Variants in TBCK observed in about 807,000 individuals in gnomAD.
TBCK encodes TBC1 domain containing kinase, also known as TBC domain-containing protein kinase-like protein.
A neutral mutation model predicts 113.4 loss-of-function variants in TBCK; 99 were observed. That is an observed-to-expected ratio of 0.87 (90% CI 0.74 to 1.03). The LOEUF (loss-of-function observed/expected upper bound fraction) is 1.03. Ranked by LOEUF, TBCK falls within the 50% of genes least tolerant of loss-of-function variation. The pLI is 0.00. For synonymous variants in TBCK, 369 were observed against 370.8 expected (o/e 1.00, Z 0.05); for missense variants, 1,045 against 1,061.3 (o/e 0.98, Z 0.21).
intron 17 of TBCK, among the ~76,000 whole-genome samples, chr4:106,232,244 G>A (rs565329056): frequency 4.3e-4 from 66 of 151,794 alleles, no homozygotes; most frequent in African/African-American, 1.4e-3. Flanking sequence ...TGATAATAAT[G>A]ATATGCATGT....
intron 3 of TBCK, among the ~76,000 whole-genome samples, chr4:106,273,915 C>A (rs1579471954): frequency 6.6e-6 from 1 of 152,192 alleles, no homozygotes; most frequent in African/African-American, 2.4e-5. Context: ...TAAAATGTTC[C>A]AACTTTCCAT....
chr4:106,248,141 C>G, intron 9 of TBCK, 104 bp downstream of exon 9: 1 of 640,206 alleles, frequency 1.6e-6, no homozygotes, highest in East Asian at 3.1e-5. Flanking sequence ...ATATACTACT[C>G]CATATGTACA....
At chr4:106,228,816 C>G (rs956474639) in intron 19 of TBCK, among the ~76,000 whole-genome samples, 6 of 152,008 alleles carry the variant, frequency 3.9e-5, no homozygotes, top group Non-Finnish European at 7.4e-5. Flanking sequence ...TGAAGAACCT[C>G]TAAACTGTTC....
intron 23 of TBCK, among the ~76,000 whole-genome samples, chr4:106,126,748 C>A (rs1745261900): frequency 6.6e-6 from 1 of 152,196 alleles, no homozygotes. Flanking sequence ...ATGGCAAAGT[C>A]ATCACATGCT....
At chr4:106,288,241 A>C (rs1765315413) in intron 3 of TBCK, among the ~76,000 whole-genome samples, 1 of 152,148 alleles carries the variant, frequency 6.6e-6, no homozygotes, top group Admixed American at 6.5e-5. Context: ...TAAAATACAA[A>C]AAATTAGCCA....
intron 19 of TBCK, among the ~76,000 whole-genome samples, chr4:106,222,950 CAT>C (rs1246794251): frequency 6.6e-6 from 1 of 152,078 alleles, no homozygotes. Context: ...TTCCTTCTCA[CAT>C]ATCTTGCTCT....
chr4:106,092,421 C>T (rs556658189), intron 25 of TBCK, among the ~76,000 whole-genome samples: 26 of 152,320 alleles, frequency 1.7e-4, no homozygotes, highest in Admixed American at 1.4e-3. Context: ...CTTGGGCAGT[C>T]GATGGGACCA....
chr4:106,186,710 G>A (rs1753064940), intron 22 of TBCK, among the ~76,000 whole-genome samples: 1 of 152,018 alleles, frequency 6.6e-6, no homozygotes, highest in South Asian at 2.1e-4. Flanking sequence ...AGTTTCTTTT[G>A]CTGTGCAGAA....
chr4:106,099,938 T>C (rs1741354549), intron 24 of TBCK, among the ~76,000 whole-genome samples: 1 of 152,220 alleles, frequency 6.6e-6, no homozygotes, highest in African/African-American at 2.4e-5. Context: ...CCCATATTTC[T>C]CAGTTCAGTC....
chr4:106,217,235 T>A (rs917291456), intron 19 of TBCK, among the ~76,000 whole-genome samples: 1 of 152,110 alleles, frequency 6.6e-6, no homozygotes, highest in African/African-American at 2.4e-5. Flanking sequence ...ATAAGAGCTA[T>A]CTATGAGAAA....
In TBCK at chr4:106,097,475, T is replaced by C. The variant is rs147538573; in HGVS notation, c.2412-1834A>G. ...AAACCTCTAAATCGTCTATCATTAC[T>C]GGAAAACAGCAGAGGAGAATGTATT... On this transcript the variant is annotated intron_variant, in intron 24 of 25. Transcript: ENST00000394708. Among the ~76,000 whole-genome samples the C allele has an allele frequency of 5.7e-3, 865 of 152,246 alleles. 10 individuals carry two copies. The highest frequency in any genetic ancestry group is 0.02 in the African/African-American group (836 of 41,564).
At chr4:106,251,367 T>C (rs2150064211) in intron 6 of TBCK, among the ~76,000 whole-genome samples, 1 of 152,046 alleles carries the variant, frequency 6.6e-6, no homozygotes, top group African/African-American at 2.4e-5. Context: ...GATTACCTGG[T>C]GTTTATAGAA....
chr4:106,260,544 AATTT>A lies in TBCK; in HGVS notation c.382-38_382-35del, dbSNP rs528884914. On this transcript the variant is annotated intron_variant, in intron 4 of 25. Transcript: ENST00000394708. ...ATAAAGAAAAAAAACACTATCAAAT[AATTT>A]ATTATAATTGGCAACATATAATTTA... is the stretch of plus-strand genomic sequence containing the variant. The A allele has an allele frequency of 7.8e-5, 50 of 637,372 alleles. 1 individual carries two copies. In the Middle Eastern group the frequency reaches 1.3e-3, roughly 16 times the overall value. The allele number at this position is 637,372 out of a possible 1,614,324, so 39.5% of individuals were successfully genotyped here.
At chr4:106,126,106 C>T (rs950493491) in intron 23 of TBCK, among the ~76,000 whole-genome samples, 7 of 152,200 alleles carry the variant, frequency 4.6e-5, no homozygotes, top group Non-Finnish European at 8.8e-5. Context: ...GTTGTTCCTT[C>T]GCTTAGAAAG....
At chr4:106,226,550 A>T (rs562864030) in intron 19 of TBCK, among the ~76,000 whole-genome samples, 1 of 152,306 alleles carries the variant, frequency 6.6e-6, no homozygotes, top group South Asian at 2.1e-4. Flanking sequence ...TATATTTGGA[A>T]AGTTCAGTAA....
rs762129038 is a variant in TBCK at position 106,250,459 on chromosome 4, C to A, written c.617G>T (p.Ser206Ile). Reference protein sequence around the residue: ...ELCVGRKLFQSLDISERLKFL... With the variant: ...ELCVGRKLFQILDISERLKFL... ...TTTTAGTCTTTCAGAAATATCCAAG[C>A]TCTGAAATAATTTTCTTCCCTAAAT... is the stretch of plus-strand genomic sequence containing the variant. The change falls in exon 7 of 26, where the codon AGC becomes ATC. Residue 206 changes from serine (S) to isoleucine (I), a missense_variant. Ser to Ile is a moderately radical substitution (Grantham distance 142). Transcript: ENST00000394708. 6.4e-7 allele frequency: 1 copy of A among 1,561,086 alleles called. No individual in the cohort carries two copies. The highest frequency in any genetic ancestry group is 8.7e-7 in the Non-Finnish European group (1 of 1,144,266).
At chr4:106,174,250 A>G (rs567696844) in intron 22 of TBCK, among the ~76,000 whole-genome samples, 101 of 152,118 alleles carry the variant, frequency 6.6e-4, no homozygotes, top group Non-Finnish European at 1.3e-3. Flanking sequence ...GACATTATTT[A>G]CCACTCTTTC....
intron 25 of TBCK, among the ~76,000 whole-genome samples, chr4:106,095,279 T>C (rs1740770791): frequency 6.6e-6 from 1 of 152,224 alleles, no homozygotes; most frequent in South Asian, 2.1e-4. Flanking sequence ...TTAAGGTTAC[T>C]GTTGATTCTG....
At chr4:106,068,333 G>A (rs1736912310) in intron 25 of TBCK, among the ~76,000 whole-genome samples, 1 of 151,832 alleles carries the variant, frequency 6.6e-6, no homozygotes, top group South Asian at 2.1e-4. Context: ...CCCAGTGTGT[G>A]GTGCTCCCTG....
Sources: gnomAD v4.1 joint callset for allele counts (sites outside exome capture counted in the v4.1 genomes callset) on GRCh38, gnomAD v4.1.1 for gene constraint, MANE v1.5 for transcripts, NCBI Gene and HGNC (gene_info 2026-07-23, HGNC 2026-07-21) for gene names.